Variants in NT5C1B observed in about 807,000 individuals in gnomAD.
NT5C1B encodes 5'-nucleotidase, cytosolic IB.
In NT5C1B, 44 loss-of-function variants were observed where a neutral mutation model predicts 57.8. That is an observed-to-expected ratio of 0.76 (90% CI 0.60 to 0.98). The LOEUF (loss-of-function observed/expected upper bound fraction) is 0.98, where lower values mean the gene tolerates loss of function less well. Among genes scored for constraint, NT5C1B ranks in the 50% least tolerant of loss-of-function variants. The probability of loss-of-function intolerance (pLI) is 0.00; values close to 1 mark genes in which losing one functional copy is unlikely to be tolerated. For missense variants in NT5C1B, 742 were observed against 719.5 expected, an observed-to-expected ratio of 1.03 and a Z score of -0.36; for synonymous variants, 284 against 282.6, an observed-to-expected ratio of 1.00 and a Z score of -0.05.
exon 8 of NT5C1B, chr2:18,576,303 C>G: frequency 1.9e-6 from 3 of 1,613,884 alleles, no homozygotes; most frequent in Non-Finnish European, 2.5e-6. Context: ...TCAAAGGCTA[C>G]ACGGAGCTGA....
chr2:18,587,753 G>A (rs1364415292), intron 1 of NT5C1B, among the ~76,000 whole-genome samples, 161 bp from the exon 2 acceptor site: 1 of 152,156 alleles, frequency 6.6e-6, no homozygotes, highest in African/African-American at 2.4e-5. Context: ...TAACAAGCAT[G>A]AGTAAAAGGT....
rs535229148 is a variant in NT5C1B at position 18,588,027 on chromosome 2, G to A, written c.31-435C>T. On this transcript the variant is annotated intron_variant, in intron 1 of 8. Coordinates refer to ENST00000304081, the Ensembl canonical transcript of NT5C1B. The stretch of plus-strand genomic sequence containing the variant: ...CATCACTACAGCTCAAACTTTTTGT[G>A]GCTCTAGCCTCACCAATATTAGTTT... Among the ~76,000 whole-genome samples the A allele has an allele frequency of 1.7e-4, 26 of 151,790 alleles. No homozygotes were observed. In the South Asian group the frequency reaches 2.7e-3, roughly 16 times the overall value.
At chr2:18,580,785 G>A (rs1282139380) in intron 6 of NT5C1B, among the ~76,000 whole-genome samples, 1 of 152,174 alleles carries the variant, frequency 6.6e-6, no homozygotes, top group East Asian at 1.9e-4. Flanking sequence ...CATCTTTTTT[G>A]AAGCAACATG....
intron 6 of NT5C1B, among the ~76,000 whole-genome samples, chr2:18,578,490 T>C (rs952164049): frequency 2.6e-5 from 4 of 151,856 alleles, no homozygotes; most frequent in Non-Finnish European, 4.4e-5. Context: ...ATGTGATTCA[T>C]CAAATAAAAG....
At chr2:18,577,998 A>G (rs1053764962) in intron 6 of NT5C1B, among the ~76,000 whole-genome samples, 1 of 152,138 alleles carries the variant, frequency 6.6e-6, no homozygotes, top group Non-Finnish European at 1.5e-5. Flanking sequence ...AGACACCTCT[A>G]TGCATAGAAA....
intron 5 of NT5C1B, 146 bp from the exon 6 acceptor site, chr2:18,583,143 C>A: frequency 9.1e-7 from 1 of 1,096,470 alleles, no homozygotes; most frequent in Non-Finnish European, 1.2e-6. Flanking sequence ...GAAGATTTAT[C>A]CCATGCATTT....
rs868600322 is a variant in NT5C1B, at chr2:18,584,368, G to A, written c.724-113C>T. Reference sequence around the variant, plus strand: ...ACAGCGGGCCCCTGCTTGGAGAAGCGGGATGCTGGAGACAGCTGAGGCTGG... The same window carrying A: ...ACAGCGGGCCCCTGCTTGGAGAAGCAGGATGCTGGAGACAGCTGAGGCTGG... On this transcript the variant is annotated intron_variant, in intron 4 of 8. Coordinates refer to ENST00000304081, the Ensembl canonical transcript of NT5C1B. This position sits in a 1 kb window ranked among gnomAD's most constrained non-coding sequence, Gnocchi z 5.8. 6 of 1,539,422 alleles carry A rather than the reference G, an allele frequency of 3.9e-6. No homozygotes were observed. In the African/African-American group the frequency reaches 6.8e-5, roughly 18 times the overall value.
At position 18,584,823 on chromosome 2, in the gene NT5C1B, C is replaced by G; in HGVS notation, c.414G>C (p.Glu138Asp). ...TGCTGCGCCGGGAGCCAGGATCGGG[C>G]TCTGGGGGCGTGGGAGGCCGCGAGT... The change falls in exon 4 of 9, where the codon GAG becomes GAC. Residue 138 changes from glutamate (E) to aspartate (D), a missense_variant. By Grantham distance (45) the Glu-to-Asp change is conservative (BLOSUM62 2). Coordinates refer to ENST00000304081, the Ensembl canonical transcript of NT5C1B. This position sits in a 1 kb window ranked among gnomAD's most constrained non-coding sequence, Gnocchi z 5.8. 6.2e-7 allele frequency: 1 copy of G among 1,612,218 alleles called. No individual in the cohort carries two copies. Among genetic ancestry groups the G allele is most frequent in the South Asian group, 1.1e-5 (1 of 91,016 alleles).
chr2:18,576,115 C>A, intron 8 of NT5C1B, 69 bp downstream of exon 8: 1 of 1,432,812 alleles, frequency 7.0e-7, no homozygotes, highest in Non-Finnish European at 9.2e-7. Context: ...CAGAATGGAC[C>A]AATATTGATA....
rs1029650083 is a variant in NT5C1B at position 18,564,023 on chromosome 2, C to T, written c.1426G>A (p.Val476Ile). 3.1e-6 allele frequency: 5 copies of T among 1,613,882 alleles called. No homozygotes were observed. In the African/African-American group the frequency reaches 5.3e-5, roughly 17 times the overall value. Residue 476 changes from valine to isoleucine, a missense_variant, in exon 9 of 9, where the codon GTT becomes ATT. Coordinates refer to ENST00000304081, the Ensembl canonical transcript of NT5C1B. ...GAACTGGCTGCACTCCTAGCTGTAA[C>T]CAGGTAGGTCCTGATAGGACAAAGT... is the stretch of plus-strand genomic sequence containing the variant.
rs1245376185 is a variant in NT5C1B, at chr2:18,584,546, C to G, written c.691G>C (p.Glu231Gln). 3 of 1,612,072 alleles carry G rather than the reference C, an allele frequency of 1.9e-6. No individual in the cohort carries two copies. The highest frequency in any genetic ancestry group is 1.3e-5 in the African/African-American group (1 of 74,860). Residue 231 changes from glutamate (E) to glutamine (Q), a missense_variant, in exon 4 of 9, where the codon GAG becomes CAG. Glu to Gln is a conservative substitution (Grantham distance 29). Transcript: ENST00000304081. The surrounding 1 kb of genome is among the most constrained non-coding windows in gnomAD (Gnocchi z 5.8). Reference sequence around the variant, plus strand: ...GGGCGCGAGCAGCTCGGGTTCTTCTCGTAGAACGACCTCATGGATGCCCAG... The same window carrying G: ...GGGCGCGAGCAGCTCGGGTTCTTCTGGTAGAACGACCTCATGGATGCCCAG...
At chr2:18,573,365 T>TTA (rs1665380694) in intron 8 of NT5C1B, among the ~76,000 whole-genome samples, 1 of 152,066 alleles carries the variant, frequency 6.6e-6, no homozygotes, top group Admixed American at 6.6e-5. Flanking sequence ...TATTTCACAA[T>TTA]TATATATATT....
At chr2:18,581,007 A>G (rs1666135654) in intron 6 of NT5C1B, among the ~76,000 whole-genome samples, 1 of 152,240 alleles carries the variant, frequency 6.6e-6, no homozygotes, top group Admixed American at 6.5e-5. Context: ...TTACCTAGGT[A>G]ATGAAGTAAT....
intron 8 of NT5C1B, among the ~76,000 whole-genome samples, chr2:18,570,564 A>C (rs1665058035): frequency 6.6e-6 from 1 of 152,114 alleles, no homozygotes; most frequent in Non-Finnish European, 1.5e-5. Flanking sequence ...AGAAAAATGG[A>C]AGTTCTATAG....
At chr2:18,586,845 T>A in intron 2 of NT5C1B, 2 of 1,405,962 alleles carry the variant, frequency 1.4e-6, no homozygotes, top group Non-Finnish European at 1.9e-6. Flanking sequence ...TGAAAAGGAA[T>A]GGAGCCCTCA....
At chr2:18,566,099 TG>T (rs2148075512) in intron 8 of NT5C1B, among the ~76,000 whole-genome samples, 1 of 152,346 alleles carries the variant, frequency 6.6e-6, no homozygotes, top group African/African-American at 2.4e-5. Context: ...ATCTGTATTA[TG>T]TCAACTTTTT....
intron 8 of NT5C1B, among the ~76,000 whole-genome samples, chr2:18,570,747 A>G (rs1196967202): frequency 1.3e-5 from 2 of 152,166 alleles, no homozygotes; most frequent in African/African-American, 2.4e-5. Flanking sequence ...AAGAGAAGAA[A>G]ACTGTAGAGG....
At chr2:18,587,289 C>T in intron 2 of NT5C1B, 1 of 1,483,790 alleles carries the variant, frequency 6.7e-7, no homozygotes, top group Non-Finnish European at 9.0e-7. Flanking sequence ...TGCTGTGGTT[C>T]CACACATTCG....
intron 5 of NT5C1B, chr2:18,583,310 G>C (rs1666344653): frequency 5.2e-6 from 1 of 193,824 alleles, no homozygotes; most frequent in Admixed American, 5.4e-5. Context: ...CTTTGTCTAT[G>C]TTTGATTTTT....
Sources: gnomAD v4.1 joint callset for allele counts (sites outside exome capture counted in the v4.1 genomes callset) on GRCh38, gnomAD v4.1.1 for gene constraint, Gnocchi (gnomAD v3.1) non-coding constraint, MANE v1.5 for transcripts, NCBI Gene and HGNC (gene_info 2026-07-23, HGNC 2026-07-21) for gene names.